The following AUTS2 variants were observed in gnomAD, a reference collection of about 807,000 sequenced individuals.
The protein encoded by AUTS2 is activator of transcription and developmental regulator AUTS2, also known as autism susceptibility gene 2 protein.
AUTS2 carries 17 observed loss-of-function variants against 112.4 expected under a neutral mutation model. The observed-to-expected ratio is 0.15, with a 90% CI of 0.10 to 0.23. The LOEUF (loss-of-function observed/expected upper bound fraction) is 0.23. AUTS2 is among the 10% of genes least tolerant of loss of function. The pLI, the probability that AUTS2 is intolerant of heterozygous loss-of-function variation, is 1.00. For missense variants in AUTS2, 1,510 were observed against 1,701.6 expected (o/e 0.89, Z 1.98); for synonymous variants, 751 against 702.7 (o/e 1.07, Z -1.09).
intron 4 of AUTS2, among the ~76,000 whole-genome samples, chr7:70,416,311 A>G (rs1210597482): frequency 7.9e-5 from 12 of 152,192 alleles, no homozygotes; most frequent in Admixed American, 6.5e-4. Flanking sequence ...TTCATATTTT[A>G]TATTATCTGG....
intron 1 of AUTS2, among the ~76,000 whole-genome samples, chr7:69,640,760 G>A (rs558948344): frequency 1.2e-4 from 18 of 152,078 alleles, no homozygotes; most frequent in African/African-American, 3.6e-4. Context: ...ATATCCCCCA[G>A]AACTTTGATT....
At chr7:70,347,979 G>C (rs1294591688) in intron 4 of AUTS2, among the ~76,000 whole-genome samples, 1 of 152,132 alleles carries the variant, frequency 6.6e-6, no homozygotes, top group Admixed American at 6.5e-5. Flanking sequence ...TTATAGGCTT[G>C]AGTAGGCACT....
chr7:69,729,287 A>G (rs1008157959), intron 1 of AUTS2, among the ~76,000 whole-genome samples: 2 of 151,922 alleles, frequency 1.3e-5, no homozygotes, highest in Non-Finnish European at 2.9e-5. Context: ...TCAACTTATG[A>G]TTGTATTTAA....
At chr7:69,916,576 G>T (rs1795587153) in intron 2 of AUTS2, among the ~76,000 whole-genome samples, 1 of 151,998 alleles carries the variant, frequency 6.6e-6, no homozygotes, top group Non-Finnish European at 1.5e-5. Context: ...AATCTATAAT[G>T]GTGGTCCCCA....
At chr7:69,670,555 C>CAAAAAAAAAAAA (rs200373158) in intron 1 of AUTS2, among the ~76,000 whole-genome samples, 11 of 119,072 alleles carry the variant, frequency 9.2e-5, no homozygotes, top group African/African-American at 3.3e-4. Context: ...CTTGATCCCT[C>CAAAAAAAAAAAA]AAAAAAAAAA....
intron 5 of AUTS2, among the ~76,000 whole-genome samples, chr7:70,681,240 A>T (rs2866687): frequency 6.6e-6 from 1 of 152,138 alleles, no homozygotes; most frequent in South Asian, 2.1e-4. Context: ...TGCGTGGGGC[A>T]TGGTGGTTTG....
intron 5 of AUTS2, among the ~76,000 whole-genome samples, chr7:70,450,647 C>T (rs1245875913): frequency 6.6e-6 from 1 of 152,132 alleles, no homozygotes; most frequent in East Asian, 1.9e-4. Context: ...ATGGAAGCCA[C>T]TGGGTACCTT....
intron 1 of AUTS2, among the ~76,000 whole-genome samples, chr7:69,692,456 G>T (rs551867478): frequency 6.6e-6 from 1 of 152,276 alleles, no homozygotes; most frequent in African/African-American, 2.4e-5. Flanking sequence ...ATGAATATGA[G>T]GTTGGAGAGT....
chr7:69,978,341 C>A lies in AUTS2; in HGVS notation c.522+78843C>A, dbSNP rs1245322796. 3.9e-5 allele frequency among the ~76,000 whole-genome samples: 6 copies of A among 152,230 alleles called. No homozygotes were observed. In the East Asian group the frequency reaches 9.6e-4, roughly 24 times the overall value. On this transcript the variant is annotated intron_variant, in intron 2 of 18. Transcript: ENST00000342771. The stretch of plus-strand genomic sequence containing the variant: ...CTTTTTCCAGGCAATTTTGACAATG[C>A]ATTTTTGTAATAAGACTGGAATTAC...
chr7:70,536,572 C>CTTTTTTTTTT (rs34639179), intron 5 of AUTS2, among the ~76,000 whole-genome samples: 1 of 49,048 alleles, frequency 2.0e-5, no homozygotes, highest in African/African-American at 8.7e-5. Flanking sequence ...GAAGCCAAGG[C>CTTTTTTTTTT]TTTTTTTTTT....
intron 4 of AUTS2, among the ~76,000 whole-genome samples, chr7:70,320,954 A>G (rs150257439): frequency 8.5e-4 from 130 of 152,314 alleles, no homozygotes; most frequent in African/African-American, 3.0e-3. Flanking sequence ...CAACAGTGAC[A>G]CCAGCTGAGT....
intron 2 of AUTS2, among the ~76,000 whole-genome samples, chr7:70,050,833 A>G (rs961091226): frequency 1.3e-5 from 2 of 152,142 alleles, no homozygotes; most frequent in Non-Finnish European, 2.9e-5. Flanking sequence ...CACCTCTACT[A>G]AAAATACAAA....
At chr7:70,681,912 G>A (rs1585497911) in intron 5 of AUTS2, among the ~76,000 whole-genome samples, 2 of 152,238 alleles carry the variant, frequency 1.3e-5, no homozygotes, top group African/African-American at 4.8e-5. Flanking sequence ...TCCCGAGGCC[G>A]TCAGCAAAGC....
chr7:70,074,387 G>A (rs917726045), intron 2 of AUTS2, among the ~76,000 whole-genome samples: 3 of 152,080 alleles, frequency 2.0e-5, no homozygotes, highest in Non-Finnish European at 4.4e-5. Context: ...TGGATCCCAC[G>A]TAACTGCTTT....
chr7:70,005,959 T>C (rs980126577), intron 2 of AUTS2, among the ~76,000 whole-genome samples: 2 of 152,160 alleles, frequency 1.3e-5, no homozygotes, highest in Non-Finnish European at 2.9e-5. Context: ...TGTGTATATA[T>C]TGTGTATAAT....
chr7:70,765,496 A>G (rs1166794962), intron 8 of AUTS2, among the ~76,000 whole-genome samples: 1 of 152,146 alleles, frequency 6.6e-6, no homozygotes, highest in Non-Finnish European at 1.5e-5. Flanking sequence ...TTAAGGGCAG[A>G]TCTCATGTTA....
chr7:70,641,898 A>G (rs1048785150), intron 5 of AUTS2, among the ~76,000 whole-genome samples: 3 of 152,208 alleles, frequency 2.0e-5, no homozygotes, highest in Non-Finnish European at 4.4e-5. Context: ...GTTGCTTCTC[A>G]ATAATACCGA....
At chr7:70,149,952 A>G (rs1410934890) in intron 4 of AUTS2, among the ~76,000 whole-genome samples, 1 of 152,016 alleles carries the variant, frequency 6.6e-6, no homozygotes, top group East Asian at 1.9e-4. Context: ...TGGCCAGGAA[A>G]CCAGTATATT....
At chr7:70,054,438 A>G (rs532711489) in intron 2 of AUTS2, among the ~76,000 whole-genome samples, 1 of 152,172 alleles carries the variant, frequency 6.6e-6, no homozygotes, top group South Asian at 2.1e-4. Flanking sequence ...CCCATTAATT[A>G]TAATTATTTA....
Sources: gnomAD v4.1 joint callset for allele counts (sites outside exome capture counted in the v4.1 genomes callset) on GRCh38, gnomAD v4.1.1 for gene constraint, MANE v1.5 for transcripts, NCBI Gene and HGNC (gene_info 2026-07-23, HGNC 2026-07-21) for gene names.